Variants in TTBK2 observed in about 807,000 individuals in gnomAD.
The protein encoded by TTBK2 is tau-tubulin kinase 2.
In TTBK2, 28 loss-of-function variants were observed where a neutral mutation model predicts 110.8. The ratio of observed to expected loss-of-function variants is 0.25; its 90% CI spans 0.19 to 0.35. TTBK2 has a LOEUF of 0.35. Ranked by LOEUF, TTBK2 falls within the 10% of genes least tolerant of loss-of-function variation. The pLI, the probability that TTBK2 is intolerant of heterozygous loss-of-function variation, is 1.00. For missense variants in TTBK2, 1,369 were observed against 1,500.3 expected (o/e 0.91, Z 1.45); for synonymous variants, 532 against 527.3 (o/e 1.01, Z -0.12).
chr15:42,808,081 G>C (rs188323212), intron 9 of TTBK2, among the ~76,000 whole-genome samples: 1 of 152,288 alleles, frequency 6.6e-6, no homozygotes, highest in East Asian at 1.9e-4. Context: ...AGATAAACTT[G>C]ATGTAATTTC....
chr15:42,750,083 C>T (rs1254447735), intron 14 of TTBK2, among the ~76,000 whole-genome samples: 1 of 151,882 alleles, frequency 6.6e-6, no homozygotes, highest in Non-Finnish European at 1.5e-5. Flanking sequence ...GAGATCCTGT[C>T]TCAAAAATAA....
rs1011560908 is a variant in TTBK2, at chr15:42,872,566, A to C, written c.217+45T>G. On this transcript the variant is annotated intron_variant, in intron 3 of 14. Transcript: ENST00000267890. ...TTCAGGAAGATACAAATAAATTATA[A>C]ATTAACATACAAATCATAAATTGTA... 6.3e-6 allele frequency: 10 copies of C among 1,595,018 alleles called. No homozygotes were observed. In the African/African-American group the frequency reaches 1.3e-4, roughly 22 times the overall value.
intron 1 of TTBK2, among the ~76,000 whole-genome samples, chr15:42,888,745 G>T (rs1476125813): frequency 6.6e-6 from 1 of 152,008 alleles, no homozygotes; most frequent in East Asian, 1.9e-4. Context: ...CTCTTCTCAA[G>T]GCCTCTTTAC....
intron 1 of TTBK2, among the ~76,000 whole-genome samples, chr15:42,917,569 T>TATAG (rs150382330): frequency 0.058 from 8,789 of 151,868 alleles, 784 homozygotes; most frequent in African/African-American, 0.19. Flanking sequence ...TTTCACCAAA[T>TATAG]ATGTACGATA....
At chr15:42,908,842 AT>A (rs1439027681) in intron 1 of TTBK2, among the ~76,000 whole-genome samples, 1 of 152,242 alleles carries the variant, frequency 6.6e-6, no homozygotes, top group Non-Finnish European at 1.5e-5. Flanking sequence ...CACATTGTCC[AT>A]AAATGGTAAA....
intron 1 of TTBK2, among the ~76,000 whole-genome samples, chr15:42,896,637 A>C (rs1162713216): frequency 6.6e-6 from 1 of 151,974 alleles, no homozygotes; most frequent in East Asian, 1.9e-4. Context: ...AGATTAAAAT[A>C]AAAACAATTA....
intron 3 of TTBK2, chr15:42,857,310 G>A (rs191169517): frequency 6.6e-6 from 1 of 151,600 alleles, no homozygotes; most frequent in African/African-American, 2.4e-5. Context: ...GAGGCCAGGA[G>A]TTCAAGACCA....
chr15:42,861,525 A>G (rs182103980), intron 3 of TTBK2, among the ~76,000 whole-genome samples: 296 of 152,266 alleles, frequency 1.9e-3, no homozygotes, highest in Admixed American at 3.1e-3. Flanking sequence ...AGGCAGAAAT[A>G]AAAAAATCAT....
chr15:42,855,987 C>T (rs958716508), intron 3 of TTBK2, among the ~76,000 whole-genome samples: 4 of 152,142 alleles, frequency 2.6e-5, no homozygotes, highest in Admixed American at 2.6e-4. Flanking sequence ...CAGCCAAGAC[C>T]ACAACTTATT....
chr15:42,810,871 T>C, intron 8 of TTBK2, 132 bp from the exon 9 acceptor site: 1 of 1,046,774 alleles, frequency 9.6e-7, no homozygotes, highest in South Asian at 1.4e-5. Context: ...AAGCAAGAAC[T>C]GAGCTCTTAC....
At chr15:42,763,139 CATACATATATATATATACATAT>C (rs2062063340) in intron 13 of TTBK2, among the ~76,000 whole-genome samples, 1 of 57,250 alleles carries the variant, frequency 1.7e-5, no homozygotes, top group African/African-American at 9.4e-5. Context: ...TACATATATA[CATACATATATATATATACATAT>C]ATATATATAT....
chr15:42,899,506 C>G (rs1051866435), intron 1 of TTBK2, among the ~76,000 whole-genome samples: 1 of 151,644 alleles, frequency 6.6e-6, no homozygotes, highest in East Asian at 2.0e-4. Context: ...TTTGGGAGGC[C>G]GAGGCAGGCG....
chr15:42,783,291 G>C, intron 11 of TTBK2, 128 bp downstream of exon 11: 1 of 832,194 alleles, frequency 1.2e-6, no homozygotes, highest in South Asian at 1.5e-5. Flanking sequence ...TACCACATGA[G>C]GACTCAGCAA....
At chr15:42,873,290 C>T (rs1894684718) in intron 2 of TTBK2, among the ~76,000 whole-genome samples, 1 of 152,008 alleles carries the variant, frequency 6.6e-6, no homozygotes, top group South Asian at 2.1e-4. Flanking sequence ...AAAAATTAGC[C>T]AGGCGTGGTG....
chr15:42,764,413 C>T (rs1889256995), intron 13 of TTBK2, among the ~76,000 whole-genome samples: 1 of 152,230 alleles, frequency 6.6e-6, no homozygotes, highest in South Asian at 2.1e-4. Context: ...AAATACTGTG[C>T]TTTTCCAAAG....
rs567545458 is a variant in TTBK2 at position 42,912,066 on chromosome 15, G to A, written c.-68+8372C>T. Among the ~76,000 whole-genome samples the A allele has an allele frequency of 5.3e-5, 8 of 152,226 alleles. No homozygotes were observed. In the South Asian group the frequency reaches 1.5e-3, roughly 28 times the overall value. ...TTCAAAGCCGTCCTGGGCCACGTGC[G>A]GCCCATGGGCCGCTGGTTGCACAAG... On this transcript the variant is annotated intron_variant, in intron 1 of 14. Coordinates refer to ENST00000267890, the MANE Select transcript of TTBK2 (RefSeq NM_173500.4).
intron 13 of TTBK2, among the ~76,000 whole-genome samples, chr15:42,757,647 T>C (rs1457186116): frequency 6.6e-6 from 1 of 152,246 alleles, no homozygotes; most frequent in Non-Finnish European, 1.5e-5. Context: ...TAAGTGTAGC[T>C]GCAAAGAGCT....
At chr15:42,861,411 G>C (rs1033831819) in intron 3 of TTBK2, among the ~76,000 whole-genome samples, 7 of 152,044 alleles carry the variant, frequency 4.6e-5, no homozygotes, top group Non-Finnish European at 7.4e-5. Flanking sequence ...TCAGACCACA[G>C]TGCAATAAAA....
At chr15:42,919,651 CAAAG>C (rs2031264805) in intron 1 of TTBK2, 1 of 252,884 alleles carries the variant, frequency 4.0e-6, no homozygotes, top group African/African-American at 2.3e-5. Context: ...CTTTAATGTT[CAAAG>C]AAAGAATAAT....
Sources: allele counts gnomAD v4.1 joint callset (sites outside exome capture counted in the v4.1 genomes callset), GRCh38; gene constraint gnomAD v4.1.1; transcripts MANE v1.5; gene names NCBI Gene and HGNC (gene_info 2026-07-23, HGNC 2026-07-21).